The following NLRP8 variants were observed in gnomAD, a reference collection of about 807,000 sequenced individuals.
NLRP8 encodes the protein NACHT, LRR and PYD domains-containing protein 8.
NLRP8 carries 86 observed loss-of-function variants against 88.7 expected under a neutral mutation model. The ratio of observed to expected loss-of-function variants is 0.97; its 90% CI spans 0.81 to 1.16. NLRP8 has a LOEUF of 1.16. Among genes scored for constraint, NLRP8 ranks in the 50% most tolerant of loss-of-function variants. The pLI, the probability that NLRP8 is intolerant of heterozygous loss-of-function variation, is 0.00. For synonymous variants in NLRP8, 504 were observed against 494.6 expected (o/e 1.02, Z -0.25); for missense variants, 1,342 against 1,286.5 (o/e 1.04, Z -0.66).
At chr19:55,956,123 G>T (rs1244879501) in intron 3 of NLRP8, 23 bp downstream of exon 3, 1 of 1,593,748 alleles carries the variant, frequency 6.3e-7, no homozygotes, top group South Asian at 1.1e-5. Flanking sequence ...GTCCCTCCTT[G>T]GGTAGCCCGT....
rs1394679835 is a variant in NLRP8, at chr19:55,957,671, AATTATATATATATATATATATATAT to A, written c.2042+1574_2042+1598del. Among the ~76,000 whole-genome samples, 33 of 55,344 alleles carry A rather than the reference AATTATATATATATATATATATATAT, an allele frequency of 6.0e-4. 2 individuals are homozygous for A. Among genetic ancestry groups the A allele is most frequent in the African/African-American group, 2.3e-3 (26 of 11,206 alleles). 36.3% of individuals were successfully genotyped at this position (55,344 alleles called of 152,430 possible). A position where few individuals can be genotyped will look rare whatever the true frequency, so the allele number is the denominator to read the frequency against. On this transcript the variant is annotated intron_variant, in intron 3 of 9. Coordinates refer to ENST00000291971, the MANE Select transcript of NLRP8 (RefSeq NM_176811.2). ...ACTATCTTAAAAAAGAAAAAATAAT[AATTATATATATATATATATATATAT>A]ATATATATATATATATATATATATA... is the stretch of plus-strand genomic sequence containing the variant.
Position 55,988,425 on chromosome 19 carries a change from AATATATATATGTGTGTGTGTAT to A in NLRP8, c.*523_*544del, listed in dbSNP as rs1980960726. The A allele has an allele frequency of 2.4e-5, 2 of 85,104 alleles. No homozygotes were observed. The highest frequency in any genetic ancestry group is 1.1e-4 in the African/African-American group (2 of 17,438). The allele number at this position is 85,104 out of a possible 1,614,324, so 5.3% of individuals were successfully genotyped here. ...GAAAAAAAAAATACATATACACATA[AATATATATATGTGTGTGTGTAT>A]ATATATATATATATATATATATGCT... is the stretch of plus-strand genomic sequence containing the variant. On this transcript the variant is annotated 3_prime_UTR_variant, in exon 10 of 10. Coordinates refer to ENST00000291971, the MANE Select transcript of NLRP8 (RefSeq NM_176811.2).
At chr19:55,970,742 G>T (rs889884148) in intron 6 of NLRP8, 46 bp downstream of exon 6, 3 of 1,608,146 alleles carry the variant, frequency 1.9e-6, no homozygotes, top group Admixed American at 1.7e-5. Flanking sequence ...TGGTTGTGGT[G>T]GTTGTTTGGT....
rs188779067 is a variant in NLRP8, at chr19:55,966,221, G to T, written c.2222G>T (p.Arg741Leu). The change falls in exon 5 of 10, where the codon CGT (arginine) becomes CTT (leucine). Residue 741 changes from arginine to leucine, a missense_variant. Arg to Leu is a moderately radical substitution (Grantham distance 102). Transcript: ENST00000291971. ...CGCTCTTCCCTCTCCAGCCTAAGGC[G>T]TGTGAATAGCACCATGTTGAACCAG... is the stretch of plus-strand genomic sequence containing the variant. 1.2e-6 allele frequency: 2 copies of T among 1,613,894 alleles called. No homozygotes were observed. The highest frequency in any genetic ancestry group is 2.7e-5 in the African/African-American group (2 of 74,924).
In NLRP8 at chr19:55,976,193, A is replaced by G; in HGVS notation, c.2766A>G (p.Lys922=). The stretch of plus-strand genomic sequence containing the variant: ...AGGATATGATCTCTGCGCTCTGTAA[A>G]AATAAAACCCTGAAAAGTCTTGACC... The change falls in exon 8 of 10, where the codon AAA becomes AAG. Residue 922 remains lysine (K), a synonymous_variant. Coordinates refer to ENST00000291971, the MANE Select transcript of NLRP8 (RefSeq NM_176811.2). 1 of 1,613,826 alleles carries G rather than the reference A, an allele frequency of 6.2e-7. No individual in the cohort carries two copies. The highest frequency in any genetic ancestry group is 8.5e-7 in the Non-Finnish European group (1 of 1,179,968).
chr19:55,979,505 T>C lies in NLRP8; in HGVS notation c.2988T>C (p.Tyr996=). The C allele has an allele frequency of 1.2e-6, 2 of 1,614,222 alleles. No individual in the cohort carries two copies. The highest frequency in any genetic ancestry group is 4.5e-5 in the East Asian group (2 of 44,878). ...TGAGCAAGAATGCGATTGGAGTCTA[T>C]GGTATTCTGACCTTGTGCGAGGCCT... The change falls in exon 9 of 10, where the codon TAT becomes TAC. Residue 996 remains tyrosine, a synonymous_variant. Transcript: ENST00000291971.
intron 8 of NLRP8, among the ~76,000 whole-genome samples, 189 bp from the exon 9 acceptor site, chr19:55,979,205 A>G (rs562054488): frequency 1.1e-4 from 17 of 152,378 alleles, no homozygotes; most frequent in Middle Eastern, 3.4e-3. Flanking sequence ...GAGGAATACT[A>G]TAGCCTGCTC....
intron 7 of NLRP8, among the ~76,000 whole-genome samples, chr19:55,974,178 G>A (rs1421634459): frequency 1.3e-5 from 2 of 150,064 alleles, no homozygotes; most frequent in African/African-American, 4.9e-5. Context: ...CACAAAAGGT[G>A]GCTTGACAGT....
At chr19:55,957,418 G>T (rs1173673370) in intron 3 of NLRP8, among the ~76,000 whole-genome samples, 1 of 151,918 alleles carries the variant, frequency 6.6e-6, no homozygotes. Flanking sequence ...GGGTGCCGTG[G>T]TTCATGCCTG....
chr19:55,982,438 A>G (rs990877902), intron 9 of NLRP8, among the ~76,000 whole-genome samples: 2 of 152,232 alleles, frequency 1.3e-5, no homozygotes, highest in African/African-American at 2.4e-5. Flanking sequence ...CTTACGCACA[A>G]TGGAGTACTA....
At chr19:55,965,755 A>G (rs1979807630) in intron 4 of NLRP8, among the ~76,000 whole-genome samples, 1 of 152,018 alleles carries the variant, frequency 6.6e-6, no homozygotes, top group East Asian at 1.9e-4. Flanking sequence ...TGCTGCACCC[A>G]TCAACTCATC....
At chr19:55,971,477 A>G (rs1401867946) in intron 6 of NLRP8, among the ~76,000 whole-genome samples, 1 of 150,496 alleles carries the variant, frequency 6.6e-6, no homozygotes, top group Non-Finnish European at 1.5e-5. Context: ...ACATAAAAGT[A>G]TCACCTGTGA....
intron 9 of NLRP8, among the ~76,000 whole-genome samples, chr19:55,985,723 CA>C (rs1181442294): frequency 1.3e-5 from 2 of 152,126 alleles, no homozygotes; most frequent in African/African-American, 2.4e-5. Context: ...ATGGAATTTT[CA>C]AACACATTTG....
intron 9 of NLRP8, among the ~76,000 whole-genome samples, chr19:55,980,588 G>C (rs12611132): frequency 1.4e-5 from 2 of 145,084 alleles, no homozygotes; most frequent in Non-Finnish European, 3.0e-5. Flanking sequence ...TGTGGGCGGC[G>C]GGGGGGCCTC....
intron 7 of NLRP8, 42 bp from the exon 8 acceptor site, chr19:55,976,063 CGTTGTTGTTGTTGTTGTTGTTTTGTTGT>C: frequency 7.7e-7 from 1 of 1,305,034 alleles, no homozygotes; most frequent in Non-Finnish European, 1.0e-6. Flanking sequence ...AGGGTGTTTT[CGTTGTTGTTGTTGTTGTTGTTTTGTTGT>C]AGTTGTTGTT....
At chr19:55,980,725 A>G (rs970971028) in intron 9 of NLRP8, among the ~76,000 whole-genome samples, 7 of 152,200 alleles carry the variant, frequency 4.6e-5, no homozygotes, top group Non-Finnish European at 7.3e-5. Context: ...ACAGAGCCAC[A>G]GTCTTTTATT....
At chr19:55,987,721 T>C in intron 9 of NLRP8, 3 of 900,514 alleles carry the variant, frequency 3.3e-6, no homozygotes, top group Non-Finnish European at 5.5e-6. Context: ...GTACGGTCTG[T>C]AGAAAAAGCA....
intron 3 of NLRP8, among the ~76,000 whole-genome samples, chr19:55,956,784 T>G (rs1401752976): frequency 3.3e-5 from 5 of 152,008 alleles, no homozygotes; most frequent in Non-Finnish European, 5.9e-5. Context: ...GATGGGACCT[T>G]GCTTCATCTA....
intron 8 of NLRP8, among the ~76,000 whole-genome samples, chr19:55,978,703 T>C (rs1478756582): frequency 6.6e-6 from 1 of 152,206 alleles, no homozygotes; most frequent in Non-Finnish European, 1.5e-5. Context: ...CACTTATTTG[T>C]AGATGTGCCT....
Sources: gnomAD v4.1 joint callset for allele counts (sites outside exome capture counted in the v4.1 genomes callset) on GRCh38, gnomAD v4.1.1 for gene constraint, MANE v1.5 for transcripts, NCBI Gene and HGNC (gene_info 2026-07-23, HGNC 2026-07-21) for gene names.